OLA1: variants seen among roughly 807,000 people sequenced by gnomAD.
OLA1 encodes obg-like ATPase 1.
OLA1 carries 14 observed loss-of-function variants against 48.4 expected under a neutral mutation model. That is an observed-to-expected ratio of 0.29 (90% confidence interval 0.19 to 0.45). The LOEUF is 0.45. Among genes scored for constraint, OLA1 ranks in the 20% least tolerant of loss-of-function variants. The pLI is 1.00. For synonymous variants in OLA1, 127 were observed against 150.4 expected, an observed-to-expected ratio of 0.84 and a Z score of 1.14; for missense variants, 325 against 467.1, an observed-to-expected ratio of 0.70 and a Z score of 2.80.
intron 7 of OLA1, among the ~76,000 whole-genome samples, chr2:174,117,140 T>C (rs1241755089): frequency 6.6e-6 from 1 of 152,146 alleles, no homozygotes; most frequent in Admixed American, 6.5e-5. Context: ...TGTAATAAAT[T>C]TTGTTCCTTA....
intron 5 of OLA1, among the ~76,000 whole-genome samples, chr2:174,131,162 G>A (rs1241939210): frequency 6.6e-6 from 1 of 152,038 alleles, no homozygotes; most frequent in Non-Finnish European, 1.5e-5. Flanking sequence ...CACTACTTCT[G>A]GCTTCTTTGC....
chr2:174,187,486 A>G (rs978736657), intron 4 of OLA1, among the ~76,000 whole-genome samples: 3 of 152,236 alleles, frequency 2.0e-5, no homozygotes, highest in African/African-American at 7.2e-5. Flanking sequence ...ACAAAAAGGC[A>G]TGGATCACCA....
At chr2:174,139,699 T>C (rs973507953) in intron 5 of OLA1, among the ~76,000 whole-genome samples, 2 of 151,956 alleles carry the variant, frequency 1.3e-5, no homozygotes, top group Non-Finnish European at 2.9e-5. Context: ...ACCCCGTCTC[T>C]ACTAAAAATA....
At chr2:174,081,867 A>T (rs1684861436) in intron 8 of OLA1, 57 bp downstream of exon 8, 1 of 1,545,590 alleles carries the variant, frequency 6.5e-7, no homozygotes, top group Non-Finnish European at 8.9e-7. Context: ...CAAGCAATTA[A>T]ATTACTGCAA....
At chr2:174,201,032 C>T (rs1687979490) in intron 4 of OLA1, among the ~76,000 whole-genome samples, 2 of 152,148 alleles carry the variant, frequency 1.3e-5, no homozygotes, top group Admixed American at 1.3e-4. Flanking sequence ...AAAATTACAA[C>T]TTGTCTGACT....
At chr2:174,155,325 T>C (rs1465219947) in intron 4 of OLA1, among the ~76,000 whole-genome samples, 1 of 152,162 alleles carries the variant, frequency 6.6e-6, no homozygotes, top group African/African-American at 2.4e-5. Flanking sequence ...AAGCAGTTAT[T>C]GGCACTTGAA....
chr2:174,240,616 T>C (rs560764478), intron 2 of OLA1, among the ~76,000 whole-genome samples: 1 of 151,740 alleles, frequency 6.6e-6, no homozygotes, highest in African/African-American at 2.4e-5. Context: ...CAATAACATA[T>C]GGAAAGATGC....
At chr2:174,120,540 A>G (rs1003208207) in intron 7 of OLA1, among the ~76,000 whole-genome samples, 1 of 152,204 alleles carries the variant, frequency 6.6e-6, no homozygotes, top group Non-Finnish European at 1.5e-5. Context: ...CCCGGCTGCC[A>G]TGTCAGCTTC....
chr2:174,203,734 C>T (rs374434488), intron 4 of OLA1, among the ~76,000 whole-genome samples: 5 of 151,996 alleles, frequency 3.3e-5, no homozygotes, highest in African/African-American at 1.2e-4. Context: ...GAAATACATA[C>T]ACTTTAAGTT....
chr2:174,206,354 G>A lies in OLA1; in HGVS notation c.373+16679C>T, dbSNP rs184080280. Among the ~76,000 whole-genome samples, 15 of 152,134 alleles carry A rather than the reference G, an allele frequency of 9.9e-5. No individual in the cohort carries two copies. In the East Asian group the frequency reaches 2.9e-3, roughly 29 times the overall value. On this transcript the variant is annotated intron_variant, in intron 4 of 10. Transcript: ENST00000284719. ...TTGAAGACAGCCTAGGCAACATGGT[G>A]AGACCTCATCTCTTAAAAAAACAAA...
At chr2:174,089,901 CAA>C (rs549770214) in intron 7 of OLA1, among the ~76,000 whole-genome samples, 34 of 53,416 alleles carry the variant, frequency 6.4e-4, no homozygotes, top group South Asian at 6.7e-4. Flanking sequence ...GACCCTGTCT[CAA>C]AAAAAAAAAA....
chr2:174,235,607 C>A (rs902239790), intron 2 of OLA1, among the ~76,000 whole-genome samples: 2 of 152,152 alleles, frequency 1.3e-5, no homozygotes, highest in Non-Finnish European at 2.9e-5. Flanking sequence ...TCAAAGTCAC[C>A]ATTCCAAGAG....
chr2:174,120,619 A>G (rs561903783), intron 7 of OLA1, among the ~76,000 whole-genome samples: 14 of 152,330 alleles, frequency 9.2e-5, no homozygotes, highest in African/African-American at 2.6e-4. Context: ...GCTTGCAGCC[A>G]TTCCAGTTTT....
At chr2:174,195,164 C>T (rs1687856943) in intron 4 of OLA1, among the ~76,000 whole-genome samples, 1 of 151,900 alleles carries the variant, frequency 6.6e-6, no homozygotes, top group Non-Finnish European at 1.5e-5. Context: ...ATGTAAAATC[C>T]TACCATAAAT....
intron 7 of OLA1, among the ~76,000 whole-genome samples, chr2:174,120,895 G>GA (rs1267026448): frequency 6.6e-6 from 1 of 152,112 alleles, no homozygotes; most frequent in Non-Finnish European, 1.5e-5. Flanking sequence ...AAAGACCCAT[G>GA]AAAGTATTTA....
intron 7 of OLA1, among the ~76,000 whole-genome samples, chr2:174,104,028 T>C (rs949496150): frequency 1.3e-5 from 2 of 152,122 alleles, no homozygotes; most frequent in African/African-American, 4.8e-5. Flanking sequence ...GAGAAATTTA[T>C]ACATTGTGAA....
chr2:174,096,165 C>T (rs1296638518), intron 7 of OLA1, among the ~76,000 whole-genome samples: 2 of 152,150 alleles, frequency 1.3e-5, no homozygotes, highest in Non-Finnish European at 2.9e-5. Context: ...AAACACTATG[C>T]TAGACACAAA....
At chr2:174,162,594 A>C (rs941757153) in intron 4 of OLA1, among the ~76,000 whole-genome samples, 1 of 152,228 alleles carries the variant, frequency 6.6e-6, no homozygotes, top group Non-Finnish European at 1.5e-5. Context: ...TGTATTTTCA[A>C]ACCATGGCAA....
At chr2:174,239,893 CA>C (rs71021681) in intron 2 of OLA1, among the ~76,000 whole-genome samples, 20,885 of 141,550 alleles carry the variant, frequency 0.15, 1,592 homozygotes, top group East Asian at 0.23. Flanking sequence ...GACTCTATCT[CA>C]AAAAAAAAAC....
Sources: allele counts gnomAD v4.1 joint callset (sites outside exome capture counted in the v4.1 genomes callset), GRCh38; gene constraint gnomAD v4.1.1; transcripts MANE v1.5; gene names NCBI Gene and HGNC (gene_info 2026-07-23, HGNC 2026-07-21).